Variants in PALB2 observed in about 807,000 individuals in gnomAD.
PALB2 encodes the protein mutant partner and localizer of BRCA2.
Under a neutral mutation model 107.4 loss-of-function variants are expected in PALB2, and 82 were observed. The observed-to-expected ratio is 0.76, with a 90% CI of 0.64 to 0.92. The LOEUF (loss-of-function observed/expected upper bound fraction) is 0.92, where lower values mean the gene tolerates loss of function less well. PALB2 is among the 40% of genes least tolerant of loss of function. The pLI is 0.00. For missense variants in PALB2, 1,374 were observed against 1,379.9 expected (o/e 1.00, Z 0.07); for synonymous variants, 489 against 496.8 (o/e 0.98, Z 0.21).
At chr16:23,632,279 A>G (rs1811374551) in intron 4 of PALB2, among the ~76,000 whole-genome samples, 1 of 152,120 alleles carries the variant, frequency 6.6e-6, no homozygotes, top group South Asian at 2.1e-4. Flanking sequence ...CCCCGTCTCT[A>G]CTAAAAATAC....
chr16:23,619,971 G>T (rs547065968), intron 10 of PALB2, among the ~76,000 whole-genome samples: 18 of 152,188 alleles, frequency 1.2e-4, no homozygotes, highest in African/African-American at 4.3e-4. Context: ...GTAGAGCTGG[G>T]GTTTTGCCTT....
At chr16:23,624,214 T>C (rs1464550716) in intron 7 of PALB2, 120 bp from the exon 8 acceptor site, 5 of 723,894 alleles carry the variant, frequency 6.9e-6, no homozygotes, top group Admixed American at 4.4e-5. Context: ...TTTTCATCAT[T>C]TGAAGGCTCA....
intron 1 of PALB2, among the ~76,000 whole-genome samples, chr16:23,639,123 CAGCAA>C (rs773147699): frequency 7.2e-5 from 11 of 152,192 alleles, no homozygotes; most frequent in Non-Finnish European, 1.2e-4. Context: ...ATTCTCTCAG[CAGCAA>C]AGCCAGCCTC....
intron 1 of PALB2, chr16:23,640,319 CAGTAA>C (rs1211136551): frequency 9.8e-6 from 2 of 203,200 alleles, no homozygotes; most frequent in African/African-American, 4.6e-5. Flanking sequence ...AAAAGTCTAT[CAGTAA>C]AGTACAGTCT....
chr16:23,636,840 A>G (rs577159766), intron 3 of PALB2, among the ~76,000 whole-genome samples: 20 of 152,286 alleles, frequency 1.3e-4, no homozygotes, highest in African/African-American at 4.6e-4. Flanking sequence ...TCCCATTTCA[A>G]TAACCCCTCA....
intron 11 of PALB2, among the ~76,000 whole-genome samples, chr16:23,609,352 G>A (rs889072680): frequency 1.3e-5 from 2 of 152,062 alleles, no homozygotes; most frequent in African/African-American, 4.8e-5. Flanking sequence ...TTGAGCCCAA[G>A]AACTCAAGGC....
At position 23,630,163 on chromosome 16, in the gene PALB2, A is replaced by C. The variant is rs945657254; in HGVS notation, c.1991T>G (p.Met664Arg). 6.2e-7 allele frequency: 1 copy of C among 1,614,178 alleles called. No homozygotes were observed. The highest frequency in any genetic ancestry group is 1.7e-5 in the Admixed American group (1 of 60,010). ...TTCTAAGTCCTCCATTTCTGTATCCATGCGTTTAGGACTCAGTTCCTCTGG... is the reference window on the plus strand; with the variant it reads ...TTCTAAGTCCTCCATTTCTGTATCCCTGCGTTTAGGACTCAGTTCCTCTGG... ...IFPEELSPKR[M>R]DTEMEDLEED... Residue 664 changes from methionine (M) to arginine (R), a missense_variant, in exon 5 of 13, where the codon ATG becomes AGG. Transcript: ENST00000261584.
intron 1 of PALB2, among the ~76,000 whole-genome samples, chr16:23,639,467 T>C (rs1275851726): frequency 7.7e-6 from 1 of 130,714 alleles, no homozygotes; most frequent in Non-Finnish European, 1.6e-5. Flanking sequence ...GCAGTGGGCC[T>C]AGATCACGCC....
intron 10 of PALB2, among the ~76,000 whole-genome samples, chr16:23,616,205 C>T (rs1044005719): frequency 1.3e-5 from 2 of 152,216 alleles, no homozygotes; most frequent in East Asian, 3.9e-4. Context: ...CCCACCCCCT[C>T]CAAGCTGCAT....
At chr16:23,618,693 A>T (rs1009117234) in intron 10 of PALB2, among the ~76,000 whole-genome samples, 2 of 152,220 alleles carry the variant, frequency 1.3e-5, no homozygotes, top group Non-Finnish European at 2.9e-5. Flanking sequence ...TTAAAAAAAA[A>T]ATATCAAGTT....
Position 23,641,305 on chromosome 16 carries a change from G to A in PALB2, c.-148C>T. 8.9e-7 allele frequency: 1 copy of A among 1,119,694 alleles called. No homozygotes were observed. Among genetic ancestry groups the A allele is most frequent in the Non-Finnish European group, 1.3e-6 (1 of 775,896 alleles). 69.4% of individuals were successfully genotyped at this position (1,119,694 alleles called of 1,614,324 possible). A position where few individuals can be genotyped will look rare whatever the true frequency, so the allele number is the denominator to read the frequency against. On this transcript the variant is annotated 5_prime_UTR_variant, in exon 1 of 13. Coordinates refer to ENST00000261584, the MANE Select transcript of PALB2 (RefSeq NM_024675.4). ...CTCAGTGCGCGATCAGCTGACCCAC[G>A]CGGGCCAAGCGCGCCCTAAACTCCG...
intron 5 of PALB2, 137 bp downstream of exon 5, chr16:23,629,503 A>C (rs1966854891): frequency 4.1e-6 from 4 of 977,616 alleles, no homozygotes; most frequent in South Asian, 2.7e-5. Context: ...TAATGATTAC[A>C]ATGAAATCAT....
rs878855120 is a variant in PALB2, at chr16:23,603,467, A to G, written c.3553T>C (p.Tyr1185His). ...QKDGNIFVYH[Y>H]S Reference sequence around the variant, plus strand: ...TTTCACTTTACCCTAACTTATGAATAGTGGTATACAAATATATTTCCATCT... The same window carrying G: ...TTTCACTTTACCCTAACTTATGAATGGTGGTATACAAATATATTTCCATCT... Residue 1185 changes from tyrosine to histidine, a missense_variant, in exon 13 of 13, where the codon TAT becomes CAT. Coordinates refer to ENST00000261584, the MANE Select transcript of PALB2 (RefSeq NM_024675.4). 6.2e-7 allele frequency: 1 copy of G among 1,611,694 alleles called. No homozygotes were observed. Among genetic ancestry groups the G allele is most frequent in the Admixed American group, 1.7e-5 (1 of 59,998 alleles).
Position 23,630,147 on chromosome 16 carries a change from CT to C in PALB2, c.2006del (p.Glu669GlyfsTer3), listed in dbSNP as rs587778584. The C allele has an allele frequency of 1.2e-6, 2 of 1,614,130 alleles. No homozygotes were observed. Among genetic ancestry groups the C allele is most frequent in the Non-Finnish European group, 1.7e-6 (2 of 1,180,022 alleles). ...LSPKRMDTEM[E>X]DLEEDLIVLP... Reference sequence around the variant, plus strand: ...GAACAATAAGGTCCTCTTCTAAGTCCTCCATTTCTGTATCCATGCGTTTAGG... The same window carrying C: ...GAACAATAAGGTCCTCTTCTAAGTCCCCATTTCTGTATCCATGCGTTTAGG... On this transcript the variant is annotated frameshift_variant, in exon 5 of 13. Transcript: ENST00000261584. LOFTEE classifies it high-confidence loss of function.
intron 4 of PALB2, among the ~76,000 whole-genome samples, chr16:23,632,424 A>G (rs1336019061): frequency 6.6e-6 from 1 of 152,138 alleles, no homozygotes; most frequent in African/African-American, 2.4e-5. Flanking sequence ...AGCCTGGGCA[A>G]CAGAGTGACA....
chr16:23,603,395 A>G lies in PALB2; in HGVS notation c.*64T>C, dbSNP rs2142249919. ...ATTCAGATATTCTCCTTTATATTTA[A>G]AACTCCAAAAAATACTAAGAGGCCC... On this transcript the variant is annotated 3_prime_UTR_variant, in exon 13 of 13. Coordinates refer to ENST00000261584, the MANE Select transcript of PALB2 (RefSeq NM_024675.4). 7.3e-7 allele frequency: 1 copy of G among 1,366,648 alleles called. No individual in the cohort carries two copies. Among genetic ancestry groups the G allele is most frequent in the Non-Finnish European group, 1.0e-6 (1 of 957,224 alleles). The allele number at this position is 1,366,648 out of a possible 1,614,324, so 84.7% of individuals were successfully genotyped here.
intron 4 of PALB2, 111 bp downstream of exon 4, chr16:23,634,751 C>A: frequency 1.4e-6 from 2 of 1,450,884 alleles, no homozygotes; most frequent in Non-Finnish European, 1.9e-6. Context: ...CGTAAGCCAC[C>A]ACACTTGGCC....
chr16:23,626,597 TA>T (rs1338657853), intron 6 of PALB2, among the ~76,000 whole-genome samples, 200 bp from the exon 7 acceptor site: 1 of 152,166 alleles, frequency 6.6e-6, no homozygotes, highest in Non-Finnish European at 1.5e-5. Flanking sequence ...TGAAAGATTT[TA>T]TTTTTTATTT....
intron 1 of PALB2, chr16:23,638,373 T>C: frequency 5.3e-6 from 3 of 569,460 alleles, no homozygotes; most frequent in Non-Finnish European, 6.3e-6. Flanking sequence ...AACCTTAGCT[T>C]AGATTTTTAT....
Sources: gnomAD v4.1 joint callset for allele counts (sites outside exome capture counted in the v4.1 genomes callset) on GRCh38, gnomAD v4.1.1 for gene constraint, MANE v1.5 for transcripts, NCBI Gene and HGNC (gene_info 2026-07-23, HGNC 2026-07-21) for gene names.